The following NELL1 variants were observed in gnomAD, a reference collection of about 807,000 sequenced individuals.
The protein encoded by NELL1 is neural EGFL like 1, also known as protein kinase C-binding protein NELL1.
A neutral mutation model predicts 107.4 loss-of-function variants in NELL1; 76 were observed. The observed-to-expected ratio is 0.71, with a 90% confidence interval of 0.59 to 0.86. The LOEUF is 0.86. Ranked by LOEUF, NELL1 falls within the 40% of genes least tolerant of loss-of-function variation. NELL1 has a pLI of 0.00. For missense variants in NELL1, 1,024 were observed against 1,005.5 expected (o/e 1.02, Z -0.25); for synonymous variants, 353 against 341.2 (o/e 1.03, Z -0.38).
chr11:21,228,781 C>T (rs952203579), intron 13 of NELL1, among the ~76,000 whole-genome samples: 22 of 143,478 alleles, frequency 1.5e-4, no homozygotes, highest in African/African-American at 2.8e-4. Flanking sequence ...TTTTTTGTAA[C>T]CTGAGGGGAA....
At chr11:20,693,655 G>A (rs1343073282) in intron 2 of NELL1, among the ~76,000 whole-genome samples, 14 of 152,102 alleles carry the variant, frequency 9.2e-5, no homozygotes, top group Middle Eastern at 3.4e-3. Context: ...CGAGAGATCC[G>A]CTGTTAGTCT....
At chr11:21,040,498 T>C (rs1250132797) in intron 12 of NELL1, among the ~76,000 whole-genome samples, 4 of 152,182 alleles carry the variant, frequency 2.6e-5, no homozygotes, top group African/African-American at 9.6e-5. Flanking sequence ...GCCTCTATCA[T>C]CTTGTGCTCT....
chr11:21,488,557 G>A (rs7946491), intron 15 of NELL1, among the ~76,000 whole-genome samples: 49,151 of 151,878 alleles, frequency 0.32, 8,449 homozygotes, highest in South Asian at 0.42. Flanking sequence ...TACCAGGTGG[G>A]CCAGTCTTCG....
intron 3 of NELL1, among the ~76,000 whole-genome samples, chr11:20,794,666 C>T (rs992720788): frequency 6.6e-6 from 1 of 151,942 alleles, no homozygotes; most frequent in Non-Finnish European, 1.5e-5. Context: ...ATAAAAAAGC[C>T]ATAATGATGA....
intron 15 of NELL1, among the ~76,000 whole-genome samples, chr11:21,372,892 C>A (rs1416399782): frequency 6.6e-6 from 1 of 151,930 alleles, no homozygotes; most frequent in African/African-American, 2.4e-5. Context: ...CTTTTCTCTG[C>A]TGAGTAAGTG....
intron 13 of NELL1, among the ~76,000 whole-genome samples, chr11:21,132,689 G>C (rs1361646517): frequency 1.3e-5 from 2 of 152,082 alleles, no homozygotes; most frequent in African/African-American, 4.8e-5. Flanking sequence ...CAAAGAAGAT[G>C]CTACAGCCCT....
intron 17 of NELL1, among the ~76,000 whole-genome samples, chr11:21,563,788 T>C (rs895642246): frequency 1.3e-5 from 2 of 151,942 alleles, no homozygotes; most frequent in Admixed American, 6.6e-5. Flanking sequence ...TCTGGGAAGA[T>C]GCAGAAGTGA....
chr11:20,967,277 A>T (rs1851405660), intron 12 of NELL1, among the ~76,000 whole-genome samples: 1 of 152,178 alleles, frequency 6.6e-6, no homozygotes, highest in South Asian at 2.1e-4. Context: ...GAGATTGTAT[A>T]GGAGAAATGG....
chr11:21,418,748 A>G (rs1433641180), intron 15 of NELL1, among the ~76,000 whole-genome samples: 1 of 152,136 alleles, frequency 6.6e-6, no homozygotes, highest in East Asian at 1.9e-4. Context: ...AATTTCTGAT[A>G]AGAAGCTTTA....
chr11:20,926,511 A>G (rs1169644164), intron 7 of NELL1, among the ~76,000 whole-genome samples: 1 of 152,166 alleles, frequency 6.6e-6, no homozygotes, highest in Non-Finnish European at 1.5e-5. Flanking sequence ...GCTAACTGAG[A>G]AAAGTGGCTT....
intron 14 of NELL1, among the ~76,000 whole-genome samples, chr11:21,254,634 C>A (rs1444594363): frequency 6.6e-6 from 1 of 152,048 alleles, no homozygotes. Context: ...TTTCAAAAAT[C>A]TCTGGCCAGG....
chr11:20,716,896 A>G (rs1490314496), intron 2 of NELL1, among the ~76,000 whole-genome samples: 1 of 150,270 alleles, frequency 6.7e-6, no homozygotes, highest in African/African-American at 2.5e-5. Flanking sequence ...GGTTTACAAA[A>G]TTATCTAAAT....
chr11:20,833,303 T>G (rs1465886404), intron 3 of NELL1, among the ~76,000 whole-genome samples: 1 of 152,160 alleles, frequency 6.6e-6, no homozygotes, highest in African/African-American at 2.4e-5. Context: ...ATTATTATTA[T>G]TATTATTTAA....
At chr11:20,692,087 A>G (rs1282779338) in intron 2 of NELL1, among the ~76,000 whole-genome samples, 3 of 151,728 alleles carry the variant, frequency 2.0e-5, no homozygotes, top group Admixed American at 6.6e-5. Flanking sequence ...TGTTTGTAGT[A>G]TTCTCTGATG....
intron 16 of NELL1, among the ~76,000 whole-genome samples, chr11:21,555,295 A>G (rs1326150052): frequency 1.3e-5 from 2 of 151,914 alleles, no homozygotes; most frequent in East Asian, 1.9e-4. Flanking sequence ...ATAATCAATA[A>G]CAATATTTGT....
intron 15 of NELL1, among the ~76,000 whole-genome samples, chr11:21,465,602 G>A (rs1297360747): frequency 6.6e-6 from 1 of 151,858 alleles, no homozygotes; most frequent in East Asian, 1.9e-4. Flanking sequence ...CTTTCTCTCA[G>A]ACCCTCATTC....
At chr11:21,028,661 C>T (rs1351367059) in intron 12 of NELL1, among the ~76,000 whole-genome samples, 5 of 151,958 alleles carry the variant, frequency 3.3e-5, no homozygotes, top group South Asian at 2.1e-4. Flanking sequence ...TCTTTTTTAA[C>T]GTTACCTTTC....
At chr11:21,451,319 G>A (rs1853579398) in intron 15 of NELL1, among the ~76,000 whole-genome samples, 1 of 152,006 alleles carries the variant, frequency 6.6e-6, no homozygotes. Context: ...TTAATCTTTT[G>A]AATAACATAG....
chr11:21,115,458 C>T (rs1374587306), intron 13 of NELL1, among the ~76,000 whole-genome samples: 3 of 151,468 alleles, frequency 2.0e-5, no homozygotes, highest in Non-Finnish European at 4.4e-5. Context: ...GGGAGAGGAA[C>T]CAGTCAGAGA....
Sources: allele counts gnomAD v4.1 joint callset (sites outside exome capture counted in the v4.1 genomes callset), GRCh38; gene constraint gnomAD v4.1.1; transcripts MANE v1.5; gene names NCBI Gene and HGNC (gene_info 2026-07-23, HGNC 2026-07-21).